Variants in GPM6A observed in about 807,000 individuals in gnomAD.
GPM6A encodes glycoprotein M6A.
A neutral mutation model predicts 32.1 loss-of-function variants in GPM6A; 7 were observed. That is an observed-to-expected ratio of 0.22 (90% CI 0.12 to 0.41). The LOEUF is 0.41. Among genes scored for constraint, GPM6A ranks in the 10% least tolerant of loss-of-function variants. GPM6A has a pLI of 1.00. For synonymous variants in GPM6A, 130 were observed against 123.4 expected (o/e 1.05, Z -0.35); for missense variants, 235 against 347.2 (o/e 0.68, Z 2.57).
chr4:175,947,192 A>G (rs1186677645), intron 1 of GPM6A, among the ~76,000 whole-genome samples: 1 of 152,042 alleles, frequency 6.6e-6, no homozygotes, highest in African/African-American at 2.4e-5. Context: ...GTCTTTAAAA[A>G]AAAAAAAACA....
chr4:175,995,256 A>G (rs996530160), intron 1 of GPM6A, among the ~76,000 whole-genome samples: 2 of 152,042 alleles, frequency 1.3e-5, no homozygotes, highest in African/African-American at 4.8e-5. Flanking sequence ...AAGGTTTTCA[A>G]TTGACTTTGT....
chr4:175,965,695 C>T (rs1368222538), intron 1 of GPM6A, among the ~76,000 whole-genome samples: 6 of 151,716 alleles, frequency 4.0e-5, no homozygotes, highest in Non-Finnish European at 8.8e-5. Context: ...CTCACTGCAA[C>T]CTCTGCCTCC....
At chr4:175,958,269 A>G (rs1740053301) in intron 1 of GPM6A, among the ~76,000 whole-genome samples, 1 of 152,200 alleles carries the variant, frequency 6.6e-6, no homozygotes, top group Non-Finnish European at 1.5e-5. Context: ...GGCCATATAA[A>G]ATACTTGAAT....
intron 1 of GPM6A, among the ~76,000 whole-genome samples, chr4:175,772,199 A>G (rs1733219277): frequency 6.6e-6 from 1 of 152,216 alleles, no homozygotes; most frequent in African/African-American, 2.4e-5. Context: ...CTATCTGTCA[A>G]TCACAATTTA....
chr4:175,715,424 G>A (rs992831999), intron 1 of GPM6A, among the ~76,000 whole-genome samples: 1 of 152,206 alleles, frequency 6.6e-6, no homozygotes, highest in Non-Finnish European at 1.5e-5. Flanking sequence ...TGGATGTCCA[G>A]GATGGTTTCT....
chr4:175,749,880 C>T (rs891637776), intron 1 of GPM6A, among the ~76,000 whole-genome samples: 3 of 152,116 alleles, frequency 2.0e-5, no homozygotes, highest in Admixed American at 2.0e-4. Flanking sequence ...AAGCTGCCCC[C>T]ACATCATCTA....
At chr4:175,929,831 GGAGATA>G (rs1359368732) in intron 1 of GPM6A, among the ~76,000 whole-genome samples, 6 of 152,068 alleles carry the variant, frequency 3.9e-5, no homozygotes, top group Admixed American at 6.6e-5. Context: ...TAAGCCCTTC[GGAGATA>G]GAAACACACA....
intron 1 of GPM6A, chr4:175,805,785 T>C (rs765981549): frequency 1.3e-5 from 2 of 152,202 alleles, no homozygotes; most frequent in Non-Finnish European, 2.9e-5. Context: ...CCTCATATTA[T>C]AACTTAATTC....
At chr4:175,724,374 G>A (rs1327725560) in intron 1 of GPM6A, among the ~76,000 whole-genome samples, 4 of 152,204 alleles carry the variant, frequency 2.6e-5, no homozygotes, top group East Asian at 1.9e-4. Context: ...GTGAAACCCC[G>A]TCTCGACAAA....
intron 1 of GPM6A, among the ~76,000 whole-genome samples, chr4:175,844,239 G>T (rs1736023801): frequency 1.3e-5 from 2 of 152,080 alleles, no homozygotes; most frequent in Non-Finnish European, 2.9e-5. Context: ...TTTAACATGA[G>T]AAATATAAAA....
intron 1 of GPM6A, among the ~76,000 whole-genome samples, chr4:175,805,019 G>A (rs1368862514): frequency 6.6e-6 from 1 of 151,972 alleles, no homozygotes; most frequent in African/African-American, 2.4e-5. Context: ...ACTCCAGCCT[G>A]GGCGATGAGC....
chr4:175,976,838 A>C (rs1740679184), intron 1 of GPM6A, among the ~76,000 whole-genome samples: 1 of 152,206 alleles, frequency 6.6e-6, no homozygotes, highest in South Asian at 2.1e-4. Flanking sequence ...AAAACACACA[A>C]ATTGCATAAC....
At chr4:175,820,728 A>C (rs1029639624) in intron 1 of GPM6A, among the ~76,000 whole-genome samples, 5 of 151,082 alleles carry the variant, frequency 3.3e-5, no homozygotes, top group African/African-American at 1.2e-4. Flanking sequence ...CAAACTTCTG[A>C]CCTCAAGTGA....
At chr4:175,753,160 T>C (rs1732403106) in intron 1 of GPM6A, among the ~76,000 whole-genome samples, 1 of 152,184 alleles carries the variant, frequency 6.6e-6, no homozygotes, top group Admixed American at 6.6e-5. Context: ...ATATTTGATG[T>C]TCCATGTTCG....
intron 1 of GPM6A, among the ~76,000 whole-genome samples, chr4:175,966,809 T>G (rs1457911168): frequency 6.6e-6 from 1 of 152,124 alleles, no homozygotes; most frequent in Admixed American, 6.5e-5. Flanking sequence ...TAAAAGAAAT[T>G]AAATCAATAA....
intron 1 of GPM6A, among the ~76,000 whole-genome samples, chr4:175,817,873 A>T (rs1328988235): frequency 1.3e-5 from 2 of 152,168 alleles, no homozygotes; most frequent in African/African-American, 2.4e-5. Context: ...CTTGCTCCTT[A>T]GCTTTTTTAG....
intron 5 of GPM6A, 117 bp downstream of exon 5, chr4:175,640,636 T>C (rs1000009192): frequency 2.8e-6 from 2 of 718,630 alleles, no homozygotes; most frequent in Non-Finnish European, 4.8e-6. Flanking sequence ...TCAGGTAAAA[T>C]TGCCTCTGAT....
intron 1 of GPM6A, among the ~76,000 whole-genome samples, chr4:175,711,313 C>A (rs986930169): frequency 2.7e-5 from 4 of 148,608 alleles, no homozygotes; most frequent in Non-Finnish European, 5.9e-5. Context: ...ACTTGGAAGA[C>A]AGAAACAGAA....
intron 1 of GPM6A, among the ~76,000 whole-genome samples, chr4:175,833,471 G>A (rs1735676636): frequency 6.6e-6 from 1 of 152,062 alleles, no homozygotes; most frequent in African/African-American, 2.4e-5. Flanking sequence ...CCAGTTCATA[G>A]AGCAATCTTC....
Sources: allele counts gnomAD v4.1 joint callset (sites outside exome capture counted in the v4.1 genomes callset), GRCh38; gene constraint gnomAD v4.1.1; transcripts MANE v1.5; gene names NCBI Gene and HGNC (gene_info 2026-07-23, HGNC 2026-07-21).